Variants in PTPRK observed in about 807,000 individuals in gnomAD.
PTPRK encodes the protein protein tyrosine phosphatase receptor type K.
In PTPRK, 75 loss-of-function variants were observed where a neutral mutation model predicts 178.0. The ratio of observed to expected loss-of-function variants is 0.42; its 90% CI spans 0.35 to 0.51. PTPRK has a LOEUF of 0.51. Among genes scored for constraint, PTPRK ranks in the 20% least tolerant of loss-of-function variants. The pLI is 0.02. For missense variants in PTPRK, 1,441 were observed against 1,797.8 expected, an observed-to-expected ratio of 0.80 and a Z score of 3.59; for synonymous variants, 637 against 620.6, an observed-to-expected ratio of 1.03 and a Z score of -0.39.
At chr6:128,419,259 A>G (rs966672918) in intron 1 of PTPRK, among the ~76,000 whole-genome samples, 1 of 152,200 alleles carries the variant, frequency 6.6e-6, no homozygotes, top group African/African-American at 2.4e-5. Context: ...ATTAAAATGG[A>G]CACTAAAAGG....
intron 1 of PTPRK, among the ~76,000 whole-genome samples, chr6:128,445,255 TTATATATAATAGTATAAATAC>T (rs1258605941): frequency 1.4e-5 from 2 of 147,200 alleles, no homozygotes; most frequent in East Asian, 3.9e-4. Flanking sequence ...TATATATAAT[TTATATATAATAGTATAAATAC>T]TATATATAAT....
intron 13 of PTPRK, among the ~76,000 whole-genome samples, chr6:128,019,162 TAAAG>T (rs1385022379): frequency 1.3e-5 from 2 of 152,148 alleles, no homozygotes; most frequent in African/African-American, 4.8e-5. Context: ...AGTTTTCAAA[TAAAG>T]AAAGACAATC....
chr6:128,258,507 G>A (rs138071510), intron 3 of PTPRK, among the ~76,000 whole-genome samples: 200 of 152,190 alleles, frequency 1.3e-3, no homozygotes, highest in Non-Finnish European at 2.4e-3. Context: ...TGTTAGTTTC[G>A]CTATGTACTT....
At chr6:128,301,717 A>T (rs954156674) in intron 3 of PTPRK, among the ~76,000 whole-genome samples, 1 of 152,212 alleles carries the variant, frequency 6.6e-6, no homozygotes, top group Admixed American at 6.5e-5. Context: ...AAATGAATAT[A>T]TGGTTTTAAT....
At chr6:128,109,598 G>A (rs576099977) in intron 7 of PTPRK, among the ~76,000 whole-genome samples, 75 of 152,212 alleles carry the variant, frequency 4.9e-4, no homozygotes, top group African/African-American at 1.8e-3. Flanking sequence ...AGACAAGAAA[G>A]GAAGCACAAC....
At chr6:128,418,120 A>G (rs138186885) in intron 1 of PTPRK, among the ~76,000 whole-genome samples, 88 of 152,352 alleles carry the variant, frequency 5.8e-4, no homozygotes, top group Middle Eastern at 3.4e-3. Flanking sequence ...TATGAATTCC[A>G]TTTATTACAA....
At chr6:128,138,435 G>A (rs1247109525) in intron 7 of PTPRK, among the ~76,000 whole-genome samples, 1 of 152,066 alleles carries the variant, frequency 6.6e-6, no homozygotes, top group Non-Finnish European at 1.5e-5. Flanking sequence ...CTTGAACTCT[G>A]ATTTATGTAT....
chr6:128,046,952 G>A (rs1027791946), intron 13 of PTPRK, among the ~76,000 whole-genome samples: 8 of 152,108 alleles, frequency 5.3e-5, no homozygotes, highest in African/African-American at 1.9e-4. Flanking sequence ...ACTTACAAAA[G>A]CATTTCATCC....
At chr6:128,426,842 A>G (rs1844204663) in intron 1 of PTPRK, among the ~76,000 whole-genome samples, 1 of 152,214 alleles carries the variant, frequency 6.6e-6, no homozygotes, top group South Asian at 2.1e-4. Flanking sequence ...TACTGCAAGT[A>G]AAAACTACCA....
intron 3 of PTPRK, among the ~76,000 whole-genome samples, chr6:128,272,462 GA>G (rs1819998830): frequency 6.6e-6 from 1 of 152,142 alleles, no homozygotes. Flanking sequence ...CTACTCATCT[GA>G]CAAAGGGCTA....
At chr6:128,052,597 C>T (rs906291263) in intron 13 of PTPRK, among the ~76,000 whole-genome samples, 6 of 152,002 alleles carry the variant, frequency 3.9e-5, no homozygotes, top group Non-Finnish European at 7.3e-5. Flanking sequence ...TGATGCTGTG[C>T]TTTTCTTGCA....
chr6:128,235,574 A>G (rs565622208), intron 5 of PTPRK: 19 of 511,746 alleles, frequency 3.7e-5, no homozygotes, highest in South Asian at 2.8e-4. Context: ...GGGCAGTTGC[A>G]GTTACCTTCT....
In PTPRK at chr6:128,271,259, A is replaced by T. The variant is rs566325719; in HGVS notation, c.496-28657T>A. Among the ~76,000 whole-genome samples the T allele has an allele frequency of 1.1e-4, 16 of 152,264 alleles. No individual in the cohort carries two copies. The South Asian group carries it at 2.7e-3, about 26-fold the overall frequency. ...AAGCCACAGCAGTTGCCAAGTCAAA[A>T]GCAAAGGAAACATGGTAGCTGACTA... On this transcript the variant is annotated intron_variant, in intron 3 of 29. Transcript: ENST00000368226.
intron 2 of PTPRK, among the ~76,000 whole-genome samples, chr6:128,357,596 G>C (rs1386286011): frequency 1.3e-5 from 2 of 152,188 alleles, no homozygotes; most frequent in African/African-American, 4.8e-5. Flanking sequence ...TGTACACGCT[G>C]TTCCCAGCCT....
chr6:128,236,678 A>G (rs936634221), intron 5 of PTPRK, among the ~76,000 whole-genome samples: 1 of 152,104 alleles, frequency 6.6e-6, no homozygotes, highest in African/African-American at 2.4e-5. Context: ...AATGTACCGC[A>G]TAACATATTT....
intron 6 of PTPRK, 147 bp from the exon 7 acceptor site, chr6:128,184,872 T>G: frequency 1.2e-6 from 1 of 838,528 alleles, no homozygotes; most frequent in Middle Eastern, 3.6e-4. Flanking sequence ...ACGCATGATC[T>G]GACAACTGTA....
At chr6:128,072,883 G>A (rs1202852335) in intron 11 of PTPRK, among the ~76,000 whole-genome samples, 2 of 151,944 alleles carry the variant, frequency 1.3e-5, no homozygotes, top group East Asian at 3.9e-4. Context: ...GTTTAATCTA[G>A]TTCCTAACCC....
rs760672435 is a variant in PTPRK at position 128,397,706 on chromosome 6, T to C, written c.101-18A>G. 1.2e-6 allele frequency: 2 copies of C among 1,610,936 alleles called. No homozygotes were observed. Among genetic ancestry groups the C allele is most frequent in the Non-Finnish European group, 1.7e-6 (2 of 1,177,446 alleles). On this transcript the variant is annotated intron_variant, in intron 1 of 29. Coordinates refer to ENST00000368226, the MANE Select transcript of PTPRK (RefSeq NM_002844.4). ...ACAGCCACCTAGGAGAAAAGAAGACTACTGTTACATTCTAAACAGATTTTC... is the reference window on the plus strand; with the variant it reads ...ACAGCCACCTAGGAGAAAAGAAGACCACTGTTACATTCTAAACAGATTTTC...
rs552412613 is a variant in PTPRK, at chr6:127,988,797, T to G, written c.3096+1972A>C. Among the ~76,000 whole-genome samples, 53 of 152,138 alleles carry G rather than the reference T, an allele frequency of 3.5e-4. No homozygotes were observed. The South Asian group carries it at 9.1e-3, about 26-fold the overall frequency. On this transcript the variant is annotated intron_variant, in intron 21 of 29. Transcript: ENST00000368226. The stretch of plus-strand genomic sequence containing the variant: ...TGATCTTTTCAATAAACAAGCTTTT[T>G]CTTTTTTCTCATTTGTTTCTTTTTT...
Sources: gnomAD v4.1 joint callset for allele counts (sites outside exome capture counted in the v4.1 genomes callset) on GRCh38, gnomAD v4.1.1 for gene constraint, MANE v1.5 for transcripts, NCBI Gene and HGNC (gene_info 2026-07-23, HGNC 2026-07-21) for gene names.